APBB1IP: variants seen among roughly 807,000 people sequenced by gnomAD.
The protein encoded by APBB1IP is amyloid beta precursor protein binding family B member 1 interacting protein, also known as amyloid beta A4 precursor protein-binding family B member 1-interacting protein.
In APBB1IP, 27 loss-of-function variants were observed where a neutral mutation model predicts 64.9. The observed-to-expected ratio is 0.42, with a 90% CI of 0.31 to 0.57. APBB1IP has a LOEUF of 0.57. Among genes scored for constraint, APBB1IP ranks in the 20% least tolerant of loss-of-function variants. The pLI is 0.20. For missense variants in APBB1IP, 812 were observed against 845.5 expected (o/e 0.96, Z 0.49); for synonymous variants, 392 against 331.0 (o/e 1.18, Z -2.00).
intron 13 of APBB1IP, among the ~76,000 whole-genome samples, chr10:26,561,745 C>A (rs1836975140): frequency 6.6e-6 from 1 of 152,054 alleles, no homozygotes; most frequent in Admixed American, 6.6e-5. Flanking sequence ...AAATAGCATA[C>A]CAGGACTTTT....
At chr10:26,468,754 C>T (rs183542222) in intron 2 of APBB1IP, among the ~76,000 whole-genome samples, 1 of 152,336 alleles carries the variant, frequency 6.6e-6, no homozygotes, top group East Asian at 1.9e-4. Flanking sequence ...CCCAGCTCAT[C>T]GGCTCTTTCT....
chr10:26,468,955 C>T (rs1049268859), intron 2 of APBB1IP, among the ~76,000 whole-genome samples: 7 of 152,306 alleles, frequency 4.6e-5, no homozygotes, highest in South Asian at 2.1e-4. Flanking sequence ...CCTGAGGTGG[C>T]GGTGTCTGCC....
chr10:26,505,871 C>T lies in APBB1IP; in HGVS notation c.531+2597C>T, dbSNP rs191133805. On this transcript the variant is annotated intron_variant, in intron 6 of 14. Coordinates refer to ENST00000376236, the MANE Select transcript of APBB1IP (RefSeq NM_019043.4). ...CTGTCCTCCTCTGCTCAAAAGTCTC[C>T]GATGTCTGACCATCTCACACGTGAA... 1.5e-3 allele frequency among the ~76,000 whole-genome samples: 228 copies of T among 152,266 alleles called. No homozygotes were observed. In the Middle Eastern group the frequency reaches 0.027, roughly 18 times the overall value.
At chr10:26,472,588 C>CACT (rs1835732373) in intron 2 of APBB1IP, among the ~76,000 whole-genome samples, 1 of 151,968 alleles carries the variant, frequency 6.6e-6, no homozygotes, top group African/African-American at 2.4e-5. Flanking sequence ...TTCATTCATT[C>CACT]ATTCATTCAT....
intron 6 of APBB1IP, among the ~76,000 whole-genome samples, chr10:26,508,123 G>T (rs1264769555): frequency 6.6e-6 from 1 of 152,154 alleles, no homozygotes; most frequent in Non-Finnish European, 1.5e-5. Context: ...TAACAGACAC[G>T]CTCATGCATT....
chr10:26,501,383 TC>T (rs1836098055), intron 5 of APBB1IP: 1 of 539,492 alleles, frequency 1.9e-6, no homozygotes. Context: ...TAAAACTCAA[TC>T]TTTTGGGGGA....
intron 13 of APBB1IP, among the ~76,000 whole-genome samples, chr10:26,561,107 T>C (rs544004648): frequency 6.3e-5 from 9 of 142,586 alleles, no homozygotes; most frequent in East Asian, 6.2e-4. Context: ...CTCGCACTGT[T>C]GCCCAGGCTG....
chr10:26,456,736 C>CCAAA (rs1835530156), intron 2 of APBB1IP, among the ~76,000 whole-genome samples: 2 of 11,344 alleles, frequency 1.8e-4, no homozygotes, highest in African/African-American at 3.1e-4. Context: ...AAGAACCTGT[C>CCAAA]TAAAAAAAAA....
chr10:26,506,546 T>C (rs1274222847), intron 6 of APBB1IP, among the ~76,000 whole-genome samples: 1 of 152,134 alleles, frequency 6.6e-6, no homozygotes, highest in African/African-American at 2.4e-5. Flanking sequence ...ATAGTTAAAA[T>C]AGTTAATTTG....
chr10:26,552,458 G>C (rs187406522), intron 11 of APBB1IP, among the ~76,000 whole-genome samples: 4 of 152,116 alleles, frequency 2.6e-5, no homozygotes, highest in Non-Finnish European at 5.9e-5. Context: ...AATCAGCCTG[G>C]TGTGGTGGTG....
At chr10:26,481,009 G>A (rs1466707726) in intron 2 of APBB1IP, among the ~76,000 whole-genome samples, 1 of 151,814 alleles carries the variant, frequency 6.6e-6, no homozygotes, top group Non-Finnish European at 1.5e-5. Context: ...CTGGTTTTAG[G>A]TCACAGTAGG....
chr10:26,514,533 C>A (rs1836300049), intron 8 of APBB1IP, among the ~76,000 whole-genome samples: 2 of 152,146 alleles, frequency 1.3e-5, no homozygotes, highest in South Asian at 4.1e-4. Context: ...GTCATGTGTA[C>A]AAGCATGTCC....
At chr10:26,503,167 T>G (rs1288826520) in intron 5 of APBB1IP, 30 bp from the exon 6 acceptor site, 1 of 1,607,900 alleles carries the variant, frequency 6.2e-7, no homozygotes, top group Non-Finnish European at 8.5e-7. Flanking sequence ...CTTAATGGAC[T>G]GTATTGAAGA....
At chr10:26,519,506 T>A (rs1331382374) in intron 8 of APBB1IP, among the ~76,000 whole-genome samples, 1 of 152,042 alleles carries the variant, frequency 6.6e-6, no homozygotes, top group Non-Finnish European at 1.5e-5. Flanking sequence ...TCCTAAGAAC[T>A]CTATCATGAG....
chr10:26,536,498 A>G (rs1441705187), intron 10 of APBB1IP, among the ~76,000 whole-genome samples: 2 of 151,874 alleles, frequency 1.3e-5, no homozygotes, highest in East Asian at 1.9e-4. Flanking sequence ...TCTATTTCCA[A>G]TGACTTTTTA....
chr10:26,519,644 A>C (rs787067), intron 8 of APBB1IP, among the ~76,000 whole-genome samples: 97,278 of 152,124 alleles, frequency 0.64, 31,553 homozygotes, highest in Admixed American at 0.73. Context: ...TACTACTGTA[A>C]CATAGCGGGA....
rs575755286 is a variant in APBB1IP, at chr10:26,461,306, G to A, written c.-1+22453G>A. On this transcript the variant is annotated intron_variant, in intron 2 of 14. Transcript: ENST00000376236. ...GAATTTCTTTTGCATATGGCAATGA[G>A]GATAGGGATCTGACTTTATTTCTTC... is the stretch of plus-strand genomic sequence containing the variant. 2.0e-5 allele frequency among the ~76,000 whole-genome samples: 3 copies of A among 152,224 alleles called. No homozygotes were observed. The South Asian group carries it at 6.2e-4, about 32-fold the overall frequency.
Position 26,500,812 on chromosome 10 carries a change from C to G in APBB1IP, c.161-7C>G. ...TTTTATACCATTAATGTGATTTTCCCTACTAGAGTCCTTAAATGCACTGGA... is the reference window on the plus strand; with the variant it reads ...TTTTATACCATTAATGTGATTTTCCGTACTAGAGTCCTTAAATGCACTGGA... On this transcript the variant is annotated splice_region_variant and splice_polypyrimidine_tract_variant and intron_variant, in intron 4 of 14. Transcript: ENST00000376236. 6.2e-7 allele frequency: 1 copy of G among 1,609,344 alleles called. No individual in the cohort carries two copies. Among genetic ancestry groups the G allele is most frequent in the African/African-American group, 1.3e-5 (1 of 74,854 alleles).
chr10:26,441,793 GA>G (rs1344707833), intron 2 of APBB1IP, among the ~76,000 whole-genome samples: 1 of 152,100 alleles, frequency 6.6e-6, no homozygotes, highest in Non-Finnish European at 1.5e-5. Context: ...GAATAATTAA[GA>G]ATCATAAGAG....
Sources: gnomAD v4.1 joint callset for allele counts (sites outside exome capture counted in the v4.1 genomes callset) on GRCh38, gnomAD v4.1.1 for gene constraint, MANE v1.5 for transcripts, NCBI Gene and HGNC (gene_info 2026-07-23, HGNC 2026-07-21) for gene names.